The following TSPAN11 variants were observed in gnomAD, a reference collection of about 807,000 sequenced individuals.
TSPAN11 encodes tetraspanin-11.
Under a neutral mutation model 32.9 loss-of-function variants are expected in TSPAN11, and 29 were observed. The ratio of observed to expected loss-of-function variants is 0.88; its 90% CI spans 0.66 to 1.20. The LOEUF is 1.20. Among genes scored for constraint, TSPAN11 ranks in the 50% most tolerant of loss-of-function variants. TSPAN11 has a pLI of 0.00. For synonymous variants in TSPAN11, 140 were observed against 141.3 expected (o/e 0.99, Z 0.07); for missense variants, 283 against 329.1 (o/e 0.86, Z 1.08).
At chr12:30,954,269 G>T (rs1309564074) in intron 2 of TSPAN11, 194 bp downstream of exon 2, 2 of 610,542 alleles carry the variant, frequency 3.3e-6, no homozygotes, top group African/African-American at 3.7e-5. Context: ...AATTGGGTCT[G>T]CAGGTTGGCA....
At chr12:30,940,617 A>G (rs1433888730) in intron 1 of TSPAN11, among the ~76,000 whole-genome samples, 1 of 152,224 alleles carries the variant, frequency 6.6e-6, no homozygotes, top group Admixed American at 6.5e-5. Context: ...AGCACTGCTC[A>G]TAATTATGTC....
chr12:30,979,423 A>G lies in TSPAN11; in HGVS notation c.352-143A>G, dbSNP rs563058590. The G allele has an allele frequency of 6.9e-6, 5 of 720,238 alleles. No homozygotes were observed. In the African/African-American group the frequency reaches 7.7e-5, roughly 11 times the overall value. 44.6% of individuals were successfully genotyped at this position (720,238 alleles called of 1,614,324 possible). A position where few individuals can be genotyped will look rare whatever the true frequency, so the allele number is the denominator to read the frequency against. ...CACTGTCTCTGGCTGATGGTCCCTT[A>G]CGCTGTTGAGAAACCTCCGCATCAC... On this transcript the variant is annotated intron_variant, in intron 4 of 7. Coordinates refer to ENST00000546076, the MANE Select transcript of TSPAN11 (RefSeq NM_001370302.1).
intron 5 of TSPAN11, 29 bp from the exon 6 acceptor site, chr12:30,982,503 C>CCAGCCT: frequency 6.3e-7 from 1 of 1,592,266 alleles, no homozygotes; most frequent in Non-Finnish European, 8.6e-7. Context: ...CCTCTCACCT[C>CCAGCCT]CAGCCTCTGC....
the TSPAN11 span, among the ~76,000 whole-genome samples, chr12:31,016,041 G>C: frequency 6.6e-6 from 1 of 152,174 alleles, no homozygotes. Context: ...GCCAGGCATG[G>C]TGAGGCAGGA....
At chr12:30,927,047 C>T (rs1565784842) in intron 1 of TSPAN11, 3 of 1,277,348 alleles carry the variant, frequency 2.3e-6, no homozygotes, top group Non-Finnish European at 3.1e-6. Flanking sequence ...GTGTCCATAA[C>T]TATGCGCATG....
intron 1 of TSPAN11, among the ~76,000 whole-genome samples, chr12:30,935,576 G>A (rs1938029374): frequency 1.3e-5 from 2 of 152,020 alleles, no homozygotes; most frequent in African/African-American, 4.8e-5. Flanking sequence ...TAGAGACGGG[G>A]TTTCACCATG....
intron 7 of TSPAN11, 118 bp downstream of exon 7, chr12:30,983,268 T>A: frequency 2.1e-6 from 2 of 941,338 alleles, no homozygotes; most frequent in African/African-American, 1.6e-5. Context: ...ACCCGCACCC[T>A]ACCCTGCTCT....
chr12:31,010,304 T>C, the TSPAN11 span, among the ~76,000 whole-genome samples: 1 of 152,144 alleles, frequency 6.6e-6, no homozygotes, highest in Non-Finnish European at 1.5e-5. Flanking sequence ...TAAATACACA[T>C]AAACAGAGAC....
At chr12:30,940,470 G>A (rs1938137464) in intron 1 of TSPAN11, among the ~76,000 whole-genome samples, 2 of 152,200 alleles carry the variant, frequency 1.3e-5, no homozygotes, top group African/African-American at 2.4e-5. Context: ...TGTAAGAGCA[G>A]GAAGTGGGAT....
At chr12:30,983,520 T>C (rs1384643635) in intron 7 of TSPAN11, among the ~76,000 whole-genome samples, 1 of 152,172 alleles carries the variant, frequency 6.6e-6, no homozygotes, top group Non-Finnish European at 1.5e-5. Context: ...GTTGGGGTTG[T>C]ATGCACGTAT....
downstream of TSPAN11, among the ~76,000 whole-genome samples, chr12:30,998,700 C>T (rs1297725817): frequency 2.6e-5 from 4 of 152,184 alleles, no homozygotes; most frequent in Admixed American, 2.0e-4. Context: ...GACATAACAA[C>T]GTCACTGCAG....
chr12:30,932,573 T>G (rs943029663), intron 1 of TSPAN11, among the ~76,000 whole-genome samples: 1 of 152,178 alleles, frequency 6.6e-6, no homozygotes, highest in Non-Finnish European at 1.5e-5. Context: ...GAGTTGATAA[T>G]TCAGGACTTG....
chr12:30,985,877 C>G (rs1939191726), intron 7 of TSPAN11, among the ~76,000 whole-genome samples: 1 of 152,254 alleles, frequency 6.6e-6, no homozygotes, highest in African/African-American at 2.4e-5. Flanking sequence ...CCACTCAAAA[C>G]CCCCACCATG....
At chr12:30,946,405 C>T (rs891821310) in intron 1 of TSPAN11, among the ~76,000 whole-genome samples, 6 of 152,244 alleles carry the variant, frequency 3.9e-5, no homozygotes, top group Middle Eastern at 3.4e-3. Flanking sequence ...ACAAACACCC[C>T]GAGAAGACAG....
At chr12:30,981,077 C>T (rs1939080980) in intron 5 of TSPAN11, among the ~76,000 whole-genome samples, 1 of 152,120 alleles carries the variant, frequency 6.6e-6, no homozygotes, top group African/African-American at 2.4e-5. Context: ...AGTGGCAGGT[C>T]AGGGCCAGGG....
the TSPAN11 span, among the ~76,000 whole-genome samples, chr12:31,010,939 G>A: frequency 6.6e-6 from 1 of 152,198 alleles, no homozygotes; most frequent in Admixed American, 6.5e-5. Context: ...AGAGGGGTTA[G>A]GAGAGCACCT....
chr12:30,961,440 ACAGT>A (rs1393418707), intron 2 of TSPAN11, among the ~76,000 whole-genome samples: 1 of 151,972 alleles, frequency 6.6e-6, no homozygotes, highest in Non-Finnish European at 1.5e-5. Context: ...AGTCAGGGAC[ACAGT>A]CAGAACTAGA....
intron 2 of TSPAN11, among the ~76,000 whole-genome samples, chr12:30,962,220 G>A (rs540413190): frequency 6.7e-6 from 1 of 150,318 alleles, no homozygotes; most frequent in East Asian, 1.9e-4. Flanking sequence ...CCCAGATGGT[G>A]TCCTTCCACC....
chr12:30,976,037 G>C (rs74566125), intron 3 of TSPAN11, among the ~76,000 whole-genome samples: 2,854 of 152,272 alleles, frequency 0.019, 92 homozygotes, highest in African/African-American at 0.065. Flanking sequence ...TGGCAGGGGA[G>C]AGCCCCTGAG....
Sources: gnomAD v4.1 joint callset for allele counts (sites outside exome capture counted in the v4.1 genomes callset) on GRCh38, gnomAD v4.1.1 for gene constraint, MANE v1.5 for transcripts, NCBI Gene and HGNC (gene_info 2026-07-23, HGNC 2026-07-21) for gene names.